The following LIMS1 variants were observed in gnomAD, a reference collection of about 807,000 sequenced individuals.
LIMS1 encodes LIM and senescent cell antigen-like-containing domain protein 1.
LIMS1 carries 18 observed loss-of-function variants against 44.1 expected under a neutral mutation model. The observed-to-expected ratio is 0.41, with a 90% CI of 0.28 to 0.61. The LOEUF (loss-of-function observed/expected upper bound fraction) is 0.61. Ranked by LOEUF, LIMS1 falls within the 20% of genes least tolerant of loss-of-function variation. The probability of loss-of-function intolerance (pLI) is 0.32; values close to 1 mark genes in which losing one functional copy is unlikely to be tolerated. For missense variants in LIMS1, 201 were observed against 422.0 expected (o/e 0.48, Z 4.59); for synonymous variants, 93 against 149.1 (o/e 0.62, Z 2.74).
At chr2:108,579,403 T>C (rs11123708) in intron 1 of LIMS1, among the ~76,000 whole-genome samples, 55,089 of 152,082 alleles carry the variant, frequency 0.36, 11,849 homozygotes, top group East Asian at 0.88. Context: ...TACTAGTCTG[T>C]ATCTATGGTT....
intron 8 of LIMS1, 48 bp downstream of exon 8, chr2:108,678,075 C>G (rs1304159839): frequency 6.2e-7 from 1 of 1,607,928 alleles, no homozygotes; most frequent in Non-Finnish European, 8.5e-7. Flanking sequence ...GACACAAAAA[C>G]ACTTGGGTAA....
intron 1 of LIMS1, among the ~76,000 whole-genome samples, chr2:108,609,615 A>ATCCCT (rs1410056745): frequency 2.0e-5 from 3 of 152,082 alleles, no homozygotes; most frequent in Non-Finnish European, 4.4e-5. Context: ...AATGTAACAT[A>ATCCCT]TCCCTTAATG....
intron 1 of LIMS1, among the ~76,000 whole-genome samples, chr2:108,602,741 G>T (rs1422238353): frequency 6.6e-6 from 1 of 152,084 alleles, no homozygotes. Flanking sequence ...AAATTCATCA[G>T]AGATATTGAC....
intron 1 of LIMS1, among the ~76,000 whole-genome samples, chr2:108,596,300 G>A (rs565802111): frequency 6.6e-5 from 10 of 152,324 alleles, no homozygotes; most frequent in Admixed American, 5.9e-4. Context: ...TTCCAAAGGA[G>A]GAAATGAAAG....
At chr2:108,546,216 G>A (rs1684475402) in intron 1 of LIMS1, among the ~76,000 whole-genome samples, 1 of 147,592 alleles carries the variant, frequency 6.8e-6, no homozygotes, top group South Asian at 2.2e-4. Flanking sequence ...GGGTTGAGGT[G>A]TCACTTTCTG....
chr2:108,552,020 T>C (rs1259045546), intron 1 of LIMS1, among the ~76,000 whole-genome samples: 1 of 145,010 alleles, frequency 6.9e-6, no homozygotes, highest in Non-Finnish European at 1.5e-5. Flanking sequence ...AATCTGAACG[T>C]CCAGGATTTG....
chr2:108,581,166 A>G (rs1685869352), intron 1 of LIMS1, among the ~76,000 whole-genome samples: 1 of 152,228 alleles, frequency 6.6e-6, no homozygotes, highest in Non-Finnish European at 1.5e-5. Flanking sequence ...CTCTGAGCGC[A>G]CAAAACCAGT....
At chr2:108,570,379 G>A (rs961671730) in intron 1 of LIMS1, among the ~76,000 whole-genome samples, 5 of 150,930 alleles carry the variant, frequency 3.3e-5, no homozygotes, top group East Asian at 2.0e-4. Context: ...GCAGTGAGCC[G>A]AGATCTCACC....
intron 1 of LIMS1, among the ~76,000 whole-genome samples, chr2:108,646,863 A>G (rs868540730): frequency 1.6e-4 from 25 of 152,186 alleles, no homozygotes; most frequent in African/African-American, 5.5e-4. Context: ...CTGGGACTAC[A>G]GGCGCCTGCC....
At chr2:108,628,653 A>G (rs1047197328) in intron 1 of LIMS1, among the ~76,000 whole-genome samples, 13 of 152,124 alleles carry the variant, frequency 8.5e-5, no homozygotes, top group African/African-American at 3.1e-4. Context: ...TTTAGTAGAG[A>G]CGGGGTTTCA....
chr2:108,565,136 T>C (rs1429326808), intron 1 of LIMS1, among the ~76,000 whole-genome samples: 3 of 152,254 alleles, frequency 2.0e-5, no homozygotes, highest in African/African-American at 4.8e-5. Flanking sequence ...TTGTTACTTA[T>C]GGCTGTTGTT....
At position 108,607,849 on chromosome 2, in the gene LIMS1, A is replaced by G. The variant is rs11895484; in HGVS notation, c.33-51756A>G. On this transcript the variant is annotated intron_variant, in intron 1 of 9. Transcript: ENST00000544547. ...TCACTGTGGGTAACATTCATGTGAT[A>G]TTGGTCTCAGAGTTAATGCCCCTTT... is the stretch of plus-strand genomic sequence containing the variant. Among the ~76,000 whole-genome samples the G allele has an allele frequency of 8.9e-3, 1,356 of 152,220 alleles. 28 individuals are homozygous for G. The highest frequency in any genetic ancestry group is 0.031 in the African/African-American group (1,303 of 41,532).
At chr2:108,615,496 G>A (rs1415225133) in intron 1 of LIMS1, among the ~76,000 whole-genome samples, 2 of 152,068 alleles carry the variant, frequency 1.3e-5, no homozygotes, top group Non-Finnish European at 2.9e-5. Flanking sequence ...TGATCAGCAT[G>A]CCTTTTTGTG....
intron 1 of LIMS1, among the ~76,000 whole-genome samples, chr2:108,636,169 G>A (rs535771991): frequency 6.6e-6 from 1 of 152,306 alleles, no homozygotes; most frequent in African/African-American, 2.4e-5. Flanking sequence ...GCCCTACTCC[G>A]TGCCCGGGGT....
chr2:108,573,434 C>G (rs1299060516), intron 1 of LIMS1, among the ~76,000 whole-genome samples: 1 of 151,944 alleles, frequency 6.6e-6, no homozygotes, highest in Non-Finnish European at 1.5e-5. Context: ...AACAGTTGCT[C>G]TTGAATACTT....
In LIMS1 at chr2:108,608,307, C is replaced by T. The variant is rs894881748; in HGVS notation, c.33-51298C>T. Among the ~76,000 whole-genome samples the T allele has an allele frequency of 6.7e-4, 95 of 140,742 alleles. 1 individual carries two copies. The highest frequency in any genetic ancestry group is 3.7e-3 in the Middle Eastern group (1 of 268). 92.3% of individuals were successfully genotyped at this position (140,742 alleles called of 152,430 possible). On this transcript the variant is annotated intron_variant, in intron 1 of 9. Coordinates refer to ENST00000544547, the Ensembl canonical transcript of LIMS1. ...CTGTGCAAGTTGCCTTTTTCACTCACTTTTTTTTTTTTTTTTGAGACGGTG... is the reference window on the plus strand; with the variant it reads ...CTGTGCAAGTTGCCTTTTTCACTCATTTTTTTTTTTTTTTTTGAGACGGTG...
chr2:108,671,393 C>T (rs1692151775), intron 3 of LIMS1, among the ~76,000 whole-genome samples: 1 of 152,114 alleles, frequency 6.6e-6, no homozygotes, highest in Admixed American at 6.6e-5. Flanking sequence ...ACTAGGACTC[C>T]TATCGGGTGG....
intron 1 of LIMS1, among the ~76,000 whole-genome samples, chr2:108,590,795 G>T (rs1686345332): frequency 6.6e-6 from 1 of 152,176 alleles, no homozygotes; most frequent in Non-Finnish European, 1.5e-5. Context: ...ATGCTGGGCT[G>T]CAAGTGCTTT....
intron 1 of LIMS1, among the ~76,000 whole-genome samples, chr2:108,552,774 C>T (rs889695214): frequency 6.6e-6 from 1 of 151,908 alleles, no homozygotes; most frequent in African/African-American, 2.4e-5. Context: ...GATAAGGTTG[C>T]ACCGTGTTGC....
Sources: gnomAD v4.1 joint callset for allele counts (sites outside exome capture counted in the v4.1 genomes callset) on GRCh38, gnomAD v4.1.1 for gene constraint, MANE v1.5 for transcripts, NCBI Gene and HGNC (gene_info 2026-07-23, HGNC 2026-07-21) for gene names.